Variants in SRGAP1 observed in about 807,000 individuals in gnomAD.
The protein encoded by SRGAP1 is SLIT-ROBO Rho GTPase-activating protein 1.
A neutral mutation model predicts 121.9 loss-of-function variants in SRGAP1; 43 were observed. The ratio of observed to expected loss-of-function variants is 0.35; its 90% CI spans 0.28 to 0.46. SRGAP1 has a LOEUF of 0.46. Among genes scored for constraint, SRGAP1 ranks in the 20% least tolerant of loss-of-function variants. The pLI is 1.00. For synonymous variants in SRGAP1, 447 were observed against 485.4 expected (o/e 0.92, Z 1.04); for missense variants, 1,102 against 1,350.9 (o/e 0.82, Z 2.89).
chr12:64,130,261 G>GCCTTAAAGGTAGGAGGAGC (rs1555176755), intron 21 of SRGAP1, among the ~76,000 whole-genome samples: 6 of 152,098 alleles, frequency 3.9e-5, no homozygotes, highest in Non-Finnish European at 5.9e-5. Context: ...TTAGTCTGTT[G>GCCTTAAAGGTAGGAGGAGC]CCTTAAAGGT....
rs963829553 is a variant in SRGAP1, at chr12:63,974,192, A to G, written c.68-9755A>G. 3.9e-5 allele frequency among the ~76,000 whole-genome samples: 6 copies of G among 152,180 alleles called. No homozygotes were observed. In the East Asian group the frequency reaches 9.6e-4, roughly 24 times the overall value. ...CAATGTTGTTCAACTGCAGTCATTG[A>G]ACACTCTAATTTATTGCCTTTTATC... is the stretch of plus-strand genomic sequence containing the variant. On this transcript the variant is annotated intron_variant, in intron 1 of 21. Coordinates refer to ENST00000355086, the MANE Select transcript of SRGAP1 (RefSeq NM_020762.4).
chr12:63,901,999 T>C (rs944350171), intron 1 of SRGAP1, among the ~76,000 whole-genome samples: 1 of 152,216 alleles, frequency 6.6e-6, no homozygotes, highest in African/African-American at 2.4e-5. Context: ...TTATAGTACT[T>C]GCAAAATCAA....
intron 1 of SRGAP1, among the ~76,000 whole-genome samples, chr12:63,866,517 G>T (rs1251618230): frequency 6.6e-6 from 1 of 152,156 alleles, no homozygotes; most frequent in Non-Finnish European, 1.5e-5. Context: ...GCATTAAAAT[G>T]ATGTATAACA....
chr12:64,057,659 G>A (rs2035368847), intron 6 of SRGAP1, among the ~76,000 whole-genome samples: 1 of 152,104 alleles, frequency 6.6e-6, no homozygotes, highest in Admixed American at 6.6e-5. Context: ...AATGACCAAA[G>A]CCAGGCTTCT....
chr12:64,067,587 G>A (rs2035562786), intron 8 of SRGAP1, among the ~76,000 whole-genome samples: 1 of 150,334 alleles, frequency 6.7e-6, no homozygotes, highest in African/African-American at 2.4e-5. Context: ...ATTTACTGTA[G>A]TGGAGTGGGA....
intron 1 of SRGAP1, among the ~76,000 whole-genome samples, chr12:63,873,042 C>T (rs1899906473): frequency 6.6e-6 from 1 of 152,066 alleles, no homozygotes; most frequent in South Asian, 2.1e-4. Context: ...CAATCATGAG[C>T]TTAGTGTTTT....
chr12:64,095,329 C>A (rs781727442), intron 14 of SRGAP1, 125 bp downstream of exon 14: 8 of 736,982 alleles, frequency 1.1e-5, no homozygotes, highest in Non-Finnish European at 1.6e-5. Context: ...ATTAGGGGTG[C>A]AGCAGTAAGA....
intron 21 of SRGAP1, 147 bp downstream of exon 21, chr12:64,128,347 ATTCTT>A: frequency 1.2e-6 from 1 of 833,340 alleles, no homozygotes; most frequent in Non-Finnish European, 1.8e-6. Context: ...AAACCAGCTC[ATTCTT>A]TAACTTAGGC....
chr12:63,921,746 G>T (rs772911188), intron 1 of SRGAP1, among the ~76,000 whole-genome samples: 1 of 152,166 alleles, frequency 6.6e-6, no homozygotes, highest in African/African-American at 2.4e-5. Flanking sequence ...TGCCTGGTAC[G>T]TAGAGAACAT....
intron 6 of SRGAP1, among the ~76,000 whole-genome samples, chr12:64,053,157 G>A (rs957514708): frequency 1.3e-5 from 2 of 152,208 alleles, no homozygotes; most frequent in African/African-American, 2.4e-5. Context: ...ATTGCCTTTG[G>A]CATTGGTCAC....
intron 1 of SRGAP1, among the ~76,000 whole-genome samples, chr12:63,902,339 C>T (rs1462825279): frequency 6.6e-6 from 1 of 152,076 alleles, no homozygotes; most frequent in Non-Finnish European, 1.5e-5. Context: ...AGTATTAACC[C>T]TCACAGTATT....
chr12:64,072,108 CTGTGTGTGTGTGTGTGTGTG>C (rs66959510), intron 8 of SRGAP1, among the ~76,000 whole-genome samples: 1 of 80,366 alleles, frequency 1.2e-5, no homozygotes, highest in Non-Finnish European at 2.4e-5. Flanking sequence ...CAATCTCTCT[CTGTGTGTGTGTGTGTGTGTG>C]TGTGTGTGTG....
intron 1 of SRGAP1, among the ~76,000 whole-genome samples, chr12:63,869,015 A>T (rs915906006): frequency 6.6e-6 from 1 of 152,232 alleles, no homozygotes; most frequent in East Asian, 1.9e-4. Flanking sequence ...TAAAAAACTA[A>T]TAAGTTATTC....
rs181184752 is a variant in SRGAP1 at position 63,965,941 on chromosome 12, C to T, written c.68-18006C>T. 1.4e-3 allele frequency among the ~76,000 whole-genome samples: 216 copies of T among 152,334 alleles called. 1 individual carries two copies. The highest frequency in any genetic ancestry group is 5.0e-3 in the African/African-American group (209 of 41,578). On this transcript the variant is annotated intron_variant, in intron 1 of 21. Coordinates refer to ENST00000355086, the MANE Select transcript of SRGAP1 (RefSeq NM_020762.4). ...TCAAGTGATTCTCCTGCCTCAGCCT[C>T]CCAAGTAGCTGGGATTTACAGGCAT...
At chr12:64,117,954 T>G (rs1313117757) in intron 18 of SRGAP1, among the ~76,000 whole-genome samples, 1 of 152,230 alleles carries the variant, frequency 6.6e-6, no homozygotes, top group Non-Finnish European at 1.5e-5. Flanking sequence ...ACAGTCTGAA[T>G]AGAATGCCAT....
At chr12:63,882,109 GC>G (rs1900213996) in intron 1 of SRGAP1, among the ~76,000 whole-genome samples, 1 of 152,052 alleles carries the variant, frequency 6.6e-6, no homozygotes, top group Admixed American at 6.5e-5. Context: ...TAAAAGTATG[GC>G]AAAAACTGCG....
In SRGAP1 at chr12:64,150,596, G is replaced by T. The variant is rs2037106858; in HGVS notation, c.*7924G>T. 1 of 151,546 alleles carries T rather than the reference G, an allele frequency of 6.6e-6. No individual in the cohort carries two copies. The highest frequency in any genetic ancestry group is 1.5e-5 in the Non-Finnish European group (1 of 67,896). 9.4% of individuals were successfully genotyped at this position (151,546 alleles called of 1,614,324 possible). A position where few individuals can be genotyped will look rare whatever the true frequency, so the allele number is the denominator to read the frequency against. On this transcript the variant is annotated 3_prime_UTR_variant, in exon 22 of 22. Transcript: ENST00000355086. Reference sequence around the variant, plus strand: ...CACATTCAAAATTGTACAATGACATGACATTAACTCAAAAATGAAGTTTGA... The same window carrying T: ...CACATTCAAAATTGTACAATGACATTACATTAACTCAAAAATGAAGTTTGA...
chr12:64,060,179 T>C (rs2035421125), intron 6 of SRGAP1, among the ~76,000 whole-genome samples: 1 of 151,554 alleles, frequency 6.6e-6, no homozygotes, highest in South Asian at 2.1e-4. Context: ...CTTCCCTTTT[T>C]TCTTCCTTCC....
intron 4 of SRGAP1, 152 bp from the exon 5 acceptor site, chr12:64,042,638 T>A (rs2035048046): frequency 1.8e-6 from 1 of 548,084 alleles, no homozygotes; most frequent in Non-Finnish European, 3.2e-6. Context: ...GAAGCAGTAG[T>A]CCATAATTCA....
Sources: gnomAD v4.1 joint callset for allele counts (sites outside exome capture counted in the v4.1 genomes callset) on GRCh38, gnomAD v4.1.1 for gene constraint, MANE v1.5 for transcripts, NCBI Gene and HGNC (gene_info 2026-07-23, HGNC 2026-07-21) for gene names.